Variants in BTK observed in about 807,000 individuals in gnomAD.
The protein encoded by BTK is Bruton tyrosine kinase, also known as tyrosine-protein kinase BTK.
In BTK, 5 loss-of-function variants were observed where a neutral mutation model predicts 57.4. That is an observed-to-expected ratio of 0.09 (90% confidence interval 0.05 to 0.18). The LOEUF (loss-of-function observed/expected upper bound fraction) is 0.18. BTK is among the 10% of genes least tolerant of loss of function. The pLI is 1.00. For missense variants in BTK, 194 were observed against 501.2 expected (o/e 0.39, Z 5.85); for synonymous variants, 154 against 174.3 (o/e 0.88, Z 0.92).
At chrX:101,360,050 C>T in intron 9 of BTK, 38 bp downstream of exon 9, 1 of 862,762 alleles carries the variant, frequency 1.2e-6, no homozygotes, top group Non-Finnish European at 1.7e-6. Context: ...AGAGAGAGTT[C>T]CTCCTGGAAG....
chrX:101,364,970 G>C (rs1926803880), intron 5 of BTK, among the ~76,000 whole-genome samples: 1 of 111,096 alleles, frequency 9.0e-6, no homozygotes, highest in Non-Finnish European at 1.9e-5. Flanking sequence ...TCGAACTTCT[G>C]ACCTCGTGAT....
At chrX:101,377,696 CT>C (rs1354218351) in intron 1 of BTK, among the ~76,000 whole-genome samples, 2 of 111,413 alleles carry the variant, frequency 1.8e-5, no homozygotes, top group Non-Finnish European at 3.8e-5. Context: ...GTCTTCCTCT[CT>C]CTCAAGTATC....
At chrX:101,388,285 A>C (rs1927684108), upstream of BTK, among the ~76,000 whole-genome samples, 2 of 111,282 alleles carry the variant, frequency 1.8e-5, no homozygotes, top group South Asian at 7.4e-4. Flanking sequence ...AGAGAGAGAG[A>C]GGAGCACAAG....
intron 5 of BTK, among the ~76,000 whole-genome samples, chrX:101,366,036 C>T (rs1468518775): frequency 8.9e-6 from 1 of 112,226 alleles, no homozygotes; most frequent in Non-Finnish European, 1.9e-5. Context: ...CCTTGGGAGG[C>T]TGAGGTGGGC....
chrX:101,376,421 A>C lies in BTK; in HGVS notation c.-30-1107T>G, dbSNP rs782126706. Among the ~76,000 whole-genome samples, 214 of 111,979 alleles carry C rather than the reference A, an allele frequency of 1.9e-3. 1 individual carries two copies. The highest frequency in any genetic ancestry group is 3.5e-3 in the Non-Finnish European group (188 of 53,223). On this transcript the variant is annotated intron_variant, in intron 1 of 18. Transcript: ENST00000308731. Reference sequence around the variant, plus strand: ...GGCTGGCGGATCACCTGAGGTCAACAGTTCAAGACCAACCTGGCCAACATG... The same window carrying C: ...GGCTGGCGGATCACCTGAGGTCAACCGTTCAAGACCAACCTGGCCAACATG...
chrX:101,385,781 A>G (rs781852965), intron 1 of BTK, among the ~76,000 whole-genome samples: 5 of 111,768 alleles, frequency 4.5e-5, no homozygotes, highest in African/African-American at 1.3e-4. Flanking sequence ...TGCCAGAGGT[A>G]CCCCTTTCTA....
chrX:101,353,210 T>G lies in BTK; in HGVS notation c.1892A>C (p.Tyr631Ser). ...AGCACTTACCTCATGCCAGCAACTG[T>G]ACATGATGGTATATACCTTCTCTGA... ...LASEKVYTIMYSCWHEKADER... is the reference protein window; with the variant it reads ...LASEKVYTIMSSCWHEKADER... The change falls in exon 18 of 19, where the codon TAC becomes TCC. Residue 631 changes from tyrosine to serine, a missense_variant. Tyr to Ser is a moderately radical substitution (Grantham distance 144). Around this residue, in one of 3 missense-constraint regions of BTK, gnomAD observed 79 missense variants for 217.7 expected, o/e 0.36. Transcript: ENST00000308731. The G allele has an allele frequency of 8.3e-7, 1 of 1,210,460 alleles. No individual in the cohort carries two copies. The highest frequency in any genetic ancestry group is 1.1e-6 in the Non-Finnish European group (1 of 894,712).
chrX:101,350,088 G>GC, intron 18 of BTK, 132 bp from the exon 19 acceptor site: 8 of 288,122 alleles, frequency 2.8e-5, no homozygotes, highest in Admixed American at 6.1e-5. Flanking sequence ...GATTACAAAA[G>GC]GAAAAAAAAA....
upstream of BTK, chrX:101,390,562 C>T: frequency 1.9e-6 from 1 of 515,201 alleles, no homozygotes; most frequent in South Asian, 2.5e-5. Context: ...GATAGATGAA[C>T]TGGAACAATT....
At chrX:101,365,526 T>C (rs782352806) in intron 5 of BTK, among the ~76,000 whole-genome samples, 1 of 111,786 alleles carries the variant, frequency 8.9e-6, no homozygotes, top group South Asian at 3.7e-4. Context: ...GGTGTACAAG[T>C]GGGAGGGCTG....
At chrX:101,390,436 A>C (rs1555983042), upstream of BTK, 3 of 511,774 alleles carry the variant, frequency 5.9e-6, no homozygotes, top group East Asian at 1.1e-4. Context: ...CAAAGTACTT[A>C]GTTCATAATT....
chrX:101,355,559 T>A, intron 15 of BTK: 11 of 132,618 alleles, frequency 8.3e-5, no homozygotes, highest in Middle Eastern at 4.0e-3. Context: ...GGTGTAGATT[T>A]TCAAGAGAAG....
At chrX:101,379,905 C>T (rs1555981545) in intron 1 of BTK, among the ~76,000 whole-genome samples, 1 of 111,765 alleles carries the variant, frequency 8.9e-6, no homozygotes. Flanking sequence ...CTTAGTCTTG[C>T]CAGGTTTTCT....
rs188544151 is a variant in BTK at position 101,383,199 on chromosome X, C to T, written c.-31+2863G>A. Among the ~76,000 whole-genome samples the T allele has an allele frequency of 1.2e-4, 13 of 111,211 alleles. No individual in the cohort carries two copies. The East Asian group carries it at 2.0e-3, about 17-fold the overall frequency. On this transcript the variant is annotated intron_variant, in intron 1 of 18. Transcript: ENST00000308731. The stretch of plus-strand genomic sequence containing the variant: ...ACATTCAGTTAATTTACCTATTTTT[C>T]GTAACATCTATGTATGTATGTATGC...
Position 101,353,925 on chromosome X carries a change from T to G in BTK, c.1695A>C (p.Pro565=). The G allele has an allele frequency of 8.3e-7, 1 of 1,211,904 alleles. No homozygotes were observed. The highest frequency in any genetic ancestry group is 1.8e-5 in the South Asian group (1 of 57,015). ...ACTTGCTATACATCAGGACTTCCGG[T>G]GGGGACCACCGGACTGGAAATTTGG... is the stretch of plus-strand genomic sequence containing the variant. The part of the protein sequence containing the change: ...VGSKFPVRWS[P]PEVLMYSKFS... The change falls in exon 17 of 19, where the codon CCA becomes CCC. Residue 565 remains proline, a synonymous_variant. Coordinates refer to ENST00000308731, the MANE Select transcript of BTK (RefSeq NM_000061.3).
chrX:101,390,611 C>A (rs1555983115), upstream of BTK: 1 of 506,921 alleles, frequency 2.0e-6, no homozygotes, highest in African/African-American at 2.3e-5. Flanking sequence ...CAGTTTGCTG[C>A]GAAAGGTGTT....
At chrX:101,351,890 G>A (rs970136820) in intron 18 of BTK, among the ~76,000 whole-genome samples, 2 of 111,974 alleles carry the variant, frequency 1.8e-5, no homozygotes, top group Non-Finnish European at 1.9e-5. Flanking sequence ...TTAGCCGGGC[G>A]CTGTGGCTCA....
chrX:101,361,075 G>A (rs1473648587), intron 7 of BTK, among the ~76,000 whole-genome samples: 3 of 110,466 alleles, frequency 2.7e-5, no homozygotes, highest in East Asian at 5.7e-4. Flanking sequence ...AATCAGCTGG[G>A]CATGGTAGTG....
Position 101,356,148 on chromosome X carries a change from G to T in BTK, c.1470C>A (p.Arg490=). 1.7e-6 allele frequency: 2 copies of T among 1,211,334 alleles called. No individual in the cohort carries two copies. Among genetic ancestry groups the T allele is most frequent in the Non-Finnish European group, 2.2e-6 (2 of 895,410 alleles). ...GCAGCTGCTGAGTCTGGAAGCGGTG[G>T]CGCATCTCCCTCAGGTAGTTCAGGA... The part of the protein sequence containing the change: ...GCLLNYLREM[R]HRFQTQQLLE... Residue 490 remains arginine, a synonymous_variant, in exon 15 of 19, where the codon CGC becomes CGA. Coordinates refer to ENST00000308731, the MANE Select transcript of BTK (RefSeq NM_000061.3).
Sources: gnomAD v4.1 joint callset for allele counts (sites outside exome capture counted in the v4.1 genomes callset) on GRCh38, gnomAD v4.1.1 for gene constraint, gnomAD v4.1.1 regional missense constraint, MANE v1.5 for transcripts, NCBI Gene and HGNC (gene_info 2026-07-23, HGNC 2026-07-21) for gene names.